SNX27: variants seen among roughly 807,000 people sequenced by gnomAD.
The protein encoded by SNX27 is sorting nexin-27.
SNX27 carries 22 observed loss-of-function variants against 71.6 expected under a neutral mutation model. The ratio of observed to expected loss-of-function variants is 0.31; its 90% CI spans 0.22 to 0.44. The LOEUF (loss-of-function observed/expected upper bound fraction) is 0.44. Among genes scored for constraint, SNX27 ranks in the 20% least tolerant of loss-of-function variants. The pLI, the probability that SNX27 is intolerant of heterozygous loss-of-function variation, is 1.00. For missense variants in SNX27, 531 were observed against 698.6 expected, an observed-to-expected ratio of 0.76 and a Z score of 2.70; for synonymous variants, 269 against 277.2, an observed-to-expected ratio of 0.97 and a Z score of 0.29.
At chr1:151,663,174 G>C (rs1023513680) in intron 5 of SNX27, among the ~76,000 whole-genome samples, 1 of 147,298 alleles carries the variant, frequency 6.8e-6, no homozygotes, top group East Asian at 2.0e-4. Context: ...TTTTTGAGAC[G>C]GAGTCTTGCT....
chr1:151,662,324 ATAGAT>A (rs1669998469), intron 5 of SNX27, 54 bp downstream of exon 5: 36 of 1,238,148 alleles, frequency 2.9e-5, no homozygotes, highest in Non-Finnish European at 4.1e-5. Flanking sequence ...GCTAAGGAAG[ATAGAT>A]TAAATAAGTC....
At chr1:151,656,191 CTT>C (rs1669682602) in intron 2 of SNX27, among the ~76,000 whole-genome samples, 1 of 130,536 alleles carries the variant, frequency 7.7e-6, no homozygotes, top group Non-Finnish European at 1.5e-5. Flanking sequence ...CCACTGCACT[CTT>C]AGCCTGGGTG....
intron 1 of SNX27, among the ~76,000 whole-genome samples, chr1:151,626,699 C>CTAAATAAATAAA (rs71090202): frequency 0.014 from 2,102 of 151,002 alleles, 48 homozygotes; most frequent in African/African-American, 0.047. Flanking sequence ...AAGACTCCGT[C>CTAAATAAATAAA]TAAATAAATA....
At chr1:151,651,490 C>T (rs1669369695) in intron 2 of SNX27, among the ~76,000 whole-genome samples, 1 of 148,056 alleles carries the variant, frequency 6.8e-6, no homozygotes, top group Non-Finnish European at 1.5e-5. Flanking sequence ...TCAGACGAGG[C>T]GGTTGCCGGG....
At position 151,658,254 on chromosome 1, in the gene SNX27, C is replaced by G. The variant is rs2102676713; in HGVS notation, c.563C>G (p.Ala188Gly). 6.2e-7 allele frequency: 1 copy of G among 1,610,350 alleles called. No individual in the cohort carries two copies. The change falls in exon 3 of 12, where the codon GCA becomes GGA. Residue 188 changes from alanine to glycine, a missense_variant. Transcript: ENST00000458013. The stretch of plus-strand genomic sequence containing the variant: ...CACCAGGTATATAATGTTTACATGG[C>G]AGGGAGGCAGCTGTGTTCTAAGCGG... ...EKFVVYNVYMAGRQLCSKRYR... is the reference protein window; with the variant it reads ...EKFVVYNVYMGGRQLCSKRYR...
intron 1 of SNX27, among the ~76,000 whole-genome samples, chr1:151,624,409 T>TA (rs1667822835): frequency 7.7e-6 from 1 of 129,778 alleles, no homozygotes; most frequent in Admixed American, 8.2e-5. Context: ...TAGCTTGATT[T>TA]TATATATATA....
At chr1:151,656,162 G>A (rs1236664115) in intron 2 of SNX27, among the ~76,000 whole-genome samples, 3 of 147,628 alleles carry the variant, frequency 2.0e-5, no homozygotes, top group Non-Finnish European at 4.4e-5. Context: ...GGCGGAGCTT[G>A]CAGTGAGCAG....
chr1:151,686,291 T>G (rs1228078416), intron 8 of SNX27, among the ~76,000 whole-genome samples: 8 of 152,254 alleles, frequency 5.3e-5, no homozygotes, highest in Non-Finnish European at 1.5e-5. Context: ...CCAGGCACAG[T>G]GCAAGGTGTG....
chr1:151,686,234 C>T (rs912964752), intron 8 of SNX27, among the ~76,000 whole-genome samples: 1 of 152,354 alleles, frequency 6.6e-6, no homozygotes, highest in East Asian at 1.9e-4. Context: ...CACTATCTTT[C>T]CATCTATGTA....
intron 8 of SNX27, among the ~76,000 whole-genome samples, chr1:151,684,760 C>T (rs1429064030): frequency 3.3e-5 from 5 of 152,144 alleles, no homozygotes; most frequent in Non-Finnish European, 7.4e-5. Context: ...TATTACCCTA[C>T]AGTCAGGCAA....
At chr1:151,670,711 A>G (rs1483938747) in intron 7 of SNX27, among the ~76,000 whole-genome samples, 1 of 151,962 alleles carries the variant, frequency 6.6e-6, no homozygotes, top group Non-Finnish European at 1.5e-5. Flanking sequence ...TAGTTTGCAA[A>G]TATTTTCTCC....
At chr1:151,680,862 A>T (rs1243934054) in intron 7 of SNX27, among the ~76,000 whole-genome samples, 1 of 152,126 alleles carries the variant, frequency 6.6e-6, no homozygotes, top group Non-Finnish European at 1.5e-5. Context: ...GATGAAGAGG[A>T]AAGTGTTCAG....
chr1:151,628,559 A>G (rs188020275), intron 1 of SNX27, among the ~76,000 whole-genome samples: 14 of 152,272 alleles, frequency 9.2e-5, no homozygotes, highest in Admixed American at 5.9e-4. Flanking sequence ...AAAGCTGCCA[A>G]ACTGTCTTCC....
chr1:151,672,537 C>G (rs781230396), intron 7 of SNX27, among the ~76,000 whole-genome samples: 31 of 152,118 alleles, frequency 2.0e-4, no homozygotes, highest in Non-Finnish European at 3.2e-4. Flanking sequence ...CCCTCCTCCT[C>G]TCTTTTTTTG....
intron 6 of SNX27, among the ~76,000 whole-genome samples, chr1:151,667,935 T>C (rs1490906721): frequency 6.6e-6 from 1 of 152,104 alleles, no homozygotes; most frequent in African/African-American, 2.4e-5. Context: ...TGCAGAGTTG[T>C]CATGTTAACT....
At chr1:151,639,923 C>A (rs1390727486) in intron 2 of SNX27, among the ~76,000 whole-genome samples, 1 of 152,166 alleles carries the variant, frequency 6.6e-6, no homozygotes, top group South Asian at 2.1e-4. Flanking sequence ...GCAGTGGGTT[C>A]TGTTAGATGC....
chr1:151,689,043 T>C (rs1671320021), intron 8 of SNX27, among the ~76,000 whole-genome samples: 1 of 152,154 alleles, frequency 6.6e-6, no homozygotes, highest in African/African-American at 2.4e-5. Context: ...AGAAGTCCCC[T>C]GAAGGTCTTT....
chr1:151,664,957 A>G (rs1295983158), intron 5 of SNX27, among the ~76,000 whole-genome samples: 1 of 152,180 alleles, frequency 6.6e-6, no homozygotes, highest in East Asian at 1.9e-4. Flanking sequence ...GCAATATACA[A>G]TGGTAATTTA....
intron 8 of SNX27, among the ~76,000 whole-genome samples, chr1:151,683,850 A>G (rs55987131): frequency 0.097 from 14,838 of 152,208 alleles, 776 homozygotes; most frequent in South Asian, 0.13. Context: ...TATTTGTAGT[A>G]GAGACAGGGT....
Sources: gnomAD v4.1 joint callset for allele counts (sites outside exome capture counted in the v4.1 genomes callset) on GRCh38, gnomAD v4.1.1 for gene constraint, MANE v1.5 for transcripts, NCBI Gene and HGNC (gene_info 2026-07-23, HGNC 2026-07-21) for gene names.